PIGG: variants seen among roughly 807,000 people sequenced by gnomAD.
The protein encoded by PIGG is GPI ethanolamine phosphate transferase 2, catalytic subunit.
In PIGG, 70 loss-of-function variants were observed where a neutral mutation model predicts 83.2. The observed-to-expected ratio is 0.84, with a 90% CI of 0.69 to 1.03. PIGG has a LOEUF of 1.03. Ranked by LOEUF, PIGG falls within the 50% of genes least tolerant of loss-of-function variation. The pLI is 0.00. For missense variants in PIGG, 1,257 were observed against 1,233.6 expected, an observed-to-expected ratio of 1.02 and a Z score of -0.28; for synonymous variants, 532 against 519.5, an observed-to-expected ratio of 1.02 and a Z score of -0.33.
chr4:505,649 A>AAAAAT, intron 2 of PIGG, 69 bp from the exon 3 acceptor site: 6 of 1,104,398 alleles, frequency 5.4e-6, no homozygotes, highest in East Asian at 2.4e-5. Flanking sequence ...AAAAAAAAAA[A>AAAAAT]TCTTCAGTGC....
chr4:521,792 A>G lies in PIGG; in HGVS notation c.1465A>G (p.Ile489Val), dbSNP rs748037957. Residue 489 changes from isoleucine to valine, a missense_variant, in exon 8 of 13, where the codon ATT becomes GTT. Physicochemically the swap from Ile to Val is conservative, Grantham distance 29 (BLOSUM62 3). Coordinates refer to ENST00000453061, the MANE Select transcript of PIGG (RefSeq NM_001127178.3). ...CCTGGTTCTTTCGGCCGTTCACGTC[A>G]TTGTGTGCACCTCAGCTGAAAGTTC... is the stretch of plus-strand genomic sequence containing the variant. ...VILVLSAVHV[I>V]VCTSAESSCY... The G allele has an allele frequency of 1.2e-5, 19 of 1,613,924 alleles. No homozygotes were observed. In the East Asian group the frequency reaches 4.2e-4, roughly 36 times the overall value.
chr4:513,621 G>A (rs1271544873), intron 5 of PIGG, among the ~76,000 whole-genome samples: 2 of 152,180 alleles, frequency 1.3e-5, no homozygotes, highest in Non-Finnish European at 2.9e-5. Flanking sequence ...CCTAGTGGAT[G>A]TTTTATCATT....
In PIGG at chr4:530,072, T is replaced by C. The variant is rs907501552; in HGVS notation, c.2262-364T>C. On this transcript the variant is annotated intron_variant, in intron 10 of 12. Transcript: ENST00000453061. ...AGCAGTTTCTTAGAGTTGACTCTTA[T>C]ACTAGTGCGTTGGGTTTTTTTTAAT... Among the ~76,000 whole-genome samples, 3 of 152,250 alleles carry C rather than the reference T, an allele frequency of 2.0e-5. 1 individual carries two copies. The highest frequency in any genetic ancestry group is 7.2e-5 in the African/African-American group (3 of 41,470).
At chr4:522,196 C>T (rs1420511075) in intron 8 of PIGG, 34 of 601,186 alleles carry the variant, frequency 5.7e-5, no homozygotes, top group Non-Finnish European at 7.1e-5. Flanking sequence ...TAGGTTCCTG[C>T]GACTGTTACC....
At chr4:503,505 G>C (rs1472159404) in intron 2 of PIGG, among the ~76,000 whole-genome samples, 2 of 152,142 alleles carry the variant, frequency 1.3e-5, no homozygotes, top group Non-Finnish European at 2.9e-5. Flanking sequence ...GGGTGCTGCT[G>C]TCTTTTCTGC....
intron 5 of PIGG, among the ~76,000 whole-genome samples, chr4:509,932 T>C (rs1721305673): frequency 6.6e-6 from 1 of 152,222 alleles, no homozygotes; most frequent in South Asian, 2.1e-4. Flanking sequence ...ATGGGATTCA[T>C]GTAACATCTG....
At position 521,727 on chromosome 4, in the gene PIGG, T is replaced by C; in HGVS notation, c.1400T>C (p.Leu467Pro). 6.2e-7 allele frequency: 1 copy of C among 1,614,190 alleles called. No homozygotes were observed. The highest frequency in any genetic ancestry group is 1.1e-5 in the South Asian group (1 of 91,082). The change falls in exon 8 of 13, where the codon CTG (leucine) becomes CCG (proline). Residue 467 changes from leucine (L) to proline (P), a missense_variant. Leu to Pro is a moderately conservative substitution (Grantham distance 98). Transcript: ENST00000453061. ...AGAAAGGCTGAGCTGGAAGTCCCAC[T>C]GTCATCTCCTGGGTTTTCTCTGCTC... ...LRRKAELEVP[L>P]SSPGFSLLFY...
chr4:533,864 T>C lies in PIGG; in HGVS notation c.2618T>C (p.Val873Ala), dbSNP rs757434253. Residue 873 changes from valine (V) to alanine (A), a missense_variant, in exon 12 of 13, where the codon GTG becomes GCG. By Grantham distance (64) the Val-to-Ala change is moderately conservative. Transcript: ENST00000453061. The stretch of plus-strand genomic sequence containing the variant: ...ACCGTGGACATCTCCGCAGGCTTCG[T>C]GGGCTTAGACACCTACGTGGAAATC... ...IATVDISAGF[V>A]GLDTYVEIPA... 20 of 1,614,104 alleles carry C rather than the reference T, an allele frequency of 1.2e-5. No individual in the cohort carries two copies. Among genetic ancestry groups the C allele is most frequent in the Non-Finnish European group, 1.4e-5 (17 of 1,180,028 alleles).
At chr4:512,555 ATT>A (rs1553884237) in intron 5 of PIGG, among the ~76,000 whole-genome samples, 2 of 151,984 alleles carry the variant, frequency 1.3e-5, no homozygotes, top group Non-Finnish European at 2.9e-5. Flanking sequence ...ACGGTGGCTC[ATT>A]TGTAATCCCA....
chr4:502,786 T>C (rs2108764487), intron 2 of PIGG, among the ~76,000 whole-genome samples: 1 of 152,076 alleles, frequency 6.6e-6, no homozygotes, highest in Non-Finnish European at 1.5e-5. Context: ...GGAGGTGCCT[T>C]GTAAAAGCCA....
At chr4:501,180 T>C (rs1187869511) in intron 2 of PIGG, 2 of 455,652 alleles carry the variant, frequency 4.4e-6, no homozygotes, top group African/African-American at 4.0e-5. Context: ...AGTAAGCCTT[T>C]ATTGATTGGC....
chr4:520,569 A>G (rs764632388), intron 6 of PIGG, among the ~76,000 whole-genome samples: 2 of 152,246 alleles, frequency 1.3e-5, no homozygotes, highest in African/African-American at 4.8e-5. Flanking sequence ...GCACTGGGGA[A>G]GTGGGTGTGG....
At chr4:509,090 T>A in intron 5 of PIGG, 120 bp downstream of exon 5, 2 of 740,510 alleles carry the variant, frequency 2.7e-6, no homozygotes, top group Non-Finnish European at 4.3e-6. Context: ...CCAAGCAATG[T>A]GAGCATGAAA....
At chr4:512,982 A>G (rs1481345342) in intron 5 of PIGG, among the ~76,000 whole-genome samples, 1 of 152,034 alleles carries the variant, frequency 6.6e-6, no homozygotes, top group Non-Finnish European at 1.5e-5. Flanking sequence ...GAGCTGGGGG[A>G]AAGGGAGCTC....
At chr4:512,709 G>A (rs1350656837) in intron 5 of PIGG, among the ~76,000 whole-genome samples, 3 of 151,898 alleles carry the variant, frequency 2.0e-5, no homozygotes, top group Non-Finnish European at 2.9e-5. Flanking sequence ...CAGCTACTCA[G>A]GACGCTGAGG....
chr4:527,622 G>A, intron 10 of PIGG: 1 of 996,944 alleles, frequency 1.0e-6, no homozygotes, highest in Non-Finnish European at 1.2e-6. Flanking sequence ...TGTAATTGGT[G>A]ATGAGGATGA....
At chr4:504,788 T>C (rs1261195980) in intron 2 of PIGG, among the ~76,000 whole-genome samples, 26 of 152,182 alleles carry the variant, frequency 1.7e-4, no homozygotes, top group Non-Finnish European at 1.6e-4. Flanking sequence ...TTAGGTTCTA[T>C]GCTAAACTCA....
Position 500,548 on chromosome 4 carries a change from C to A in PIGG, c.307C>A (p.His103Asn). 6.2e-7 allele frequency: 1 copy of A among 1,613,666 alleles called. No homozygotes were observed. The highest frequency in any genetic ancestry group is 8.5e-7 in the Non-Finnish European group (1 of 1,179,574). Residue 103 changes from histidine to asparagine, a missense_variant, in exon 2 of 13, where the codon CAC (histidine) becomes AAC (asparagine). His to Asn is a moderately conservative substitution (Grantham distance 68). Coordinates refer to ENST00000453061, the MANE Select transcript of PIGG (RefSeq NM_001127178.3). Reference protein sequence around the residue: ...TTYLVEKGASHSFVAEAKPPT... With the variant: ...TTYLVEKGASNSFVAEAKPPT... ...TTACCTTGTGGAAAAAGGAGCATCT[C>A]ACAGTTTTGTGGCTGAAGCAAAGCC...
chr4:501,003 A>T (rs1399759675), intron 2 of PIGG: 2 of 404,728 alleles, frequency 4.9e-6, no homozygotes, highest in Admixed American at 6.4e-5. Flanking sequence ...CAGATAAGTT[A>T]AATGTGACTT....
Sources: gnomAD v4.1 joint callset for allele counts (sites outside exome capture counted in the v4.1 genomes callset) on GRCh38, gnomAD v4.1.1 for gene constraint, MANE v1.5 for transcripts, NCBI Gene and HGNC (gene_info 2026-07-23, HGNC 2026-07-21) for gene names.